Variants in CDK19 observed in about 807,000 individuals in gnomAD.
The protein encoded by CDK19 is cyclin dependent kinase 19.
Under a neutral mutation model 68.3 loss-of-function variants are expected in CDK19, and 20 were observed. The ratio of observed to expected loss-of-function variants is 0.29; its 90% CI spans 0.21 to 0.43. CDK19 has a LOEUF of 0.43. Among genes scored for constraint, CDK19 ranks in the 20% least tolerant of loss-of-function variants. The pLI, the probability that CDK19 is intolerant of heterozygous loss-of-function variation, is 1.00. For synonymous variants in CDK19, 221 were observed against 222.8 expected (o/e 0.99, Z 0.07); for missense variants, 339 against 623.5 (o/e 0.54, Z 4.86).
chr6:110,711,792 A>T (rs949531378), intron 2 of CDK19, among the ~76,000 whole-genome samples: 1 of 152,180 alleles, frequency 6.6e-6, no homozygotes, highest in Non-Finnish European at 1.5e-5. Context: ...ACATGGCAAA[A>T]CCCTGTCTCT....
chr6:110,761,979 T>C (rs1779261646), intron 1 of CDK19, among the ~76,000 whole-genome samples: 2 of 152,112 alleles, frequency 1.3e-5, no homozygotes, highest in African/African-American at 2.4e-5. Context: ...CCCCAGGCTT[T>C]TGCTCCCTCA....
chr6:110,720,147 T>TAC (rs1203624438), intron 2 of CDK19, among the ~76,000 whole-genome samples: 1 of 152,098 alleles, frequency 6.6e-6, no homozygotes, highest in African/African-American at 2.4e-5. Context: ...GAATTCCCAG[T>TAC]ACTTTGATAC....
chr6:110,693,000 A>AAAT (rs1260699388), intron 2 of CDK19, among the ~76,000 whole-genome samples: 2 of 151,854 alleles, frequency 1.3e-5, no homozygotes, highest in African/African-American at 2.4e-5. Flanking sequence ...CCATCTCAAA[A>AAAT]AATAATAATA....
chr6:110,617,662 TACACACACACACACACAC>T (rs561387463), intron 12 of CDK19, among the ~76,000 whole-genome samples: 21 of 107,158 alleles, frequency 2.0e-4, no homozygotes, highest in African/African-American at 5.8e-4. Context: ...TATATATATA[TACACACACACACACACAC>T]ACACACACAC....
At chr6:110,781,260 C>T (rs1016064290) in intron 1 of CDK19, among the ~76,000 whole-genome samples, 1 of 152,110 alleles carries the variant, frequency 6.6e-6, no homozygotes. Context: ...GCCAGTGTGT[C>T]ACATGGCAAC....
At chr6:110,751,860 TA>T (rs79254464) in intron 1 of CDK19, among the ~76,000 whole-genome samples, 698 of 139,622 alleles carry the variant, frequency 5.0e-3, no homozygotes, top group Admixed American at 5.3e-3. Context: ...TTGGTCAGAT[TA>T]AAAAAAAAAA....
chr6:110,656,899 T>C (rs1781340314), intron 4 of CDK19, among the ~76,000 whole-genome samples: 1 of 152,248 alleles, frequency 6.6e-6, no homozygotes, highest in Non-Finnish European at 1.5e-5. Context: ...ACATCCATGG[T>C]AGGAATAATG....
intron 4 of CDK19, among the ~76,000 whole-genome samples, chr6:110,666,956 T>G (rs1562176489): frequency 6.6e-6 from 1 of 152,220 alleles, no homozygotes; most frequent in Non-Finnish European, 1.5e-5. Context: ...ATTTGCCTAA[T>G]AAGTATATAC....
chr6:110,785,040 A>T (rs1781101558), intron 1 of CDK19, among the ~76,000 whole-genome samples: 1 of 151,028 alleles, frequency 6.6e-6, no homozygotes, highest in Non-Finnish European at 1.5e-5. Flanking sequence ...ATAATTATAC[A>T]ATCCTGTGCA....
At chr6:110,625,680 C>CA (rs1779046114) in intron 8 of CDK19, among the ~76,000 whole-genome samples, 1 of 151,924 alleles carries the variant, frequency 6.6e-6, no homozygotes, top group African/African-American at 2.4e-5. Flanking sequence ...TTGTGGCCAT[C>CA]AAAATCATAG....
intron 1 of CDK19, among the ~76,000 whole-genome samples, chr6:110,767,031 G>A (rs900023436): frequency 2.4e-4 from 37 of 152,026 alleles, no homozygotes; most frequent in African/African-American, 8.5e-4. Flanking sequence ...TTACTCGGGA[G>A]GCTGAGACAA....
intron 2 of CDK19, among the ~76,000 whole-genome samples, chr6:110,685,905 A>G (rs562909388): frequency 6.6e-6 from 1 of 152,310 alleles, no homozygotes; most frequent in African/African-American, 2.4e-5. Context: ...AGGGAGTATC[A>G]TAATTGGCGT....
At chr6:110,780,605 G>A (rs912713593) in intron 1 of CDK19, among the ~76,000 whole-genome samples, 5 of 151,846 alleles carry the variant, frequency 3.3e-5, no homozygotes, top group South Asian at 2.1e-4. Flanking sequence ...TTTTCAGTAC[G>A]GTTGTTCAGC....
At chr6:110,719,480 T>C (rs1310149637) in intron 2 of CDK19, among the ~76,000 whole-genome samples, 1 of 152,076 alleles carries the variant, frequency 6.6e-6, no homozygotes, top group East Asian at 1.9e-4. Context: ...GCCATGATCT[T>C]ACCACTGCAC....
At chr6:110,776,229 G>A (rs1780384319) in intron 1 of CDK19, among the ~76,000 whole-genome samples, 1 of 152,096 alleles carries the variant, frequency 6.6e-6, no homozygotes, top group African/African-American at 2.4e-5. Context: ...AGGAGTTCAA[G>A]AGCAGCCTGG....
intron 1 of CDK19, among the ~76,000 whole-genome samples, chr6:110,812,124 C>CA (rs1783149159): frequency 1.4e-5 from 2 of 145,400 alleles, no homozygotes; most frequent in Admixed American, 6.9e-5. Flanking sequence ...GAACAAATAA[C>CA]TTTTTTTTTT....
At chr6:110,704,331 T>C (rs976332673) in intron 2 of CDK19, among the ~76,000 whole-genome samples, 1 of 152,150 alleles carries the variant, frequency 6.6e-6, no homozygotes, top group Non-Finnish European at 1.5e-5. Flanking sequence ...GGAAGCCCTA[T>C]CTTTTTTTAA....
chr6:110,810,317 G>A (rs530019201), intron 1 of CDK19, among the ~76,000 whole-genome samples: 7 of 152,240 alleles, frequency 4.6e-5, no homozygotes, highest in South Asian at 2.1e-4. Context: ...CATAGCAAAC[G>A]TATAGCTTTC....
rs374649776 is a variant in CDK19 at position 110,622,924 on chromosome 6, C to T, written c.934-12G>A. The T allele has an allele frequency of 4.6e-5, 70 of 1,525,500 alleles. No individual in the cohort carries two copies. In the African/African-American group the frequency reaches 8.2e-4, roughly 18 times the overall value. The allele number at this position is 1,525,500 out of a possible 1,614,324, so 94.5% of individuals were successfully genotyped here. On this transcript the variant is annotated splice_polypyrimidine_tract_variant and intron_variant, in intron 9 of 12. Transcript: ENST00000368911. ...AGGAGTTTCTGAAGCTAGAGTGACACACAGGAAATGTACAGCACATGAAAA... is the reference window on the plus strand; with the variant it reads ...AGGAGTTTCTGAAGCTAGAGTGACATACAGGAAATGTACAGCACATGAAAA...
Sources: allele counts gnomAD v4.1 joint callset (sites outside exome capture counted in the v4.1 genomes callset), GRCh38; gene constraint gnomAD v4.1.1; transcripts MANE v1.5; gene names NCBI Gene and HGNC (gene_info 2026-07-23, HGNC 2026-07-21).